The following WDR48 variants were observed in gnomAD, a reference collection of about 807,000 sequenced individuals.
WDR48 encodes WD repeat domain 48.
Under a neutral mutation model 94.0 loss-of-function variants are expected in WDR48, and 22 were observed. The observed-to-expected ratio is 0.23, with a 90% CI of 0.17 to 0.33. The LOEUF is 0.33. Ranked by LOEUF, WDR48 falls within the 10% of genes least tolerant of loss-of-function variation. WDR48 has a pLI of 1.00. For missense variants in WDR48, 541 were observed against 813.8 expected (o/e 0.66, Z 4.08); for synonymous variants, 278 against 280.5 (o/e 0.99, Z 0.09).
chr3:39,079,957 G>A (rs535825344), intron 11 of WDR48, 149 bp downstream of exon 11: 140 of 459,766 alleles, frequency 3.0e-4, no homozygotes, highest in African/African-American at 2.7e-3. Flanking sequence ...ATGAATATTA[G>A]ATAAGATCAT....
chr3:39,086,116 C>G (rs983583406), intron 14 of WDR48, among the ~76,000 whole-genome samples: 4 of 152,312 alleles, frequency 2.6e-5, no homozygotes, highest in Admixed American at 1.3e-4. Context: ...GGCATATGCT[C>G]AAGCATGTGT....
intron 9 of WDR48, 95 bp downstream of exon 9, chr3:39,077,308 ACT>A: frequency 7.3e-7 from 1 of 1,364,632 alleles, no homozygotes; most frequent in Non-Finnish European, 1.0e-6. Context: ...TGTGGCCCTA[ACT>A]CTAGCATGCT....
chr3:39,059,816 G>A (rs2033140246), intron 1 of WDR48, among the ~76,000 whole-genome samples: 1 of 152,068 alleles, frequency 6.6e-6, no homozygotes, highest in Non-Finnish European at 1.5e-5. Flanking sequence ...AAACAAAAAT[G>A]GCAGTTATTT....
intron 1 of WDR48, 59 bp from the exon 2 acceptor site, chr3:39,062,991 A>G (rs2033365990): frequency 5.7e-6 from 9 of 1,591,696 alleles, no homozygotes; most frequent in East Asian, 2.2e-5. Flanking sequence ...CTAGTAGACT[A>G]TATTTTATTA....
chr3:39,080,140 C>T (rs941228212), intron 11 of WDR48, among the ~76,000 whole-genome samples: 3 of 152,074 alleles, frequency 2.0e-5, no homozygotes, highest in Non-Finnish European at 1.5e-5. Flanking sequence ...GGGGGCTATT[C>T]CATGCATTGT....
intron 1 of WDR48, among the ~76,000 whole-genome samples, chr3:39,053,413 C>G (rs928029778): frequency 6.6e-6 from 1 of 152,174 alleles, no homozygotes; most frequent in Non-Finnish European, 1.5e-5. Context: ...GTCTTAAGCA[C>G]TCACTGGATG....
At position 39,063,124 on chromosome 3, in the gene WDR48, A is replaced by G. The variant is rs756516149; in HGVS notation, c.123A>G (p.Ala41=). The change falls in exon 2 of 19, where the codon GCA becomes GCG. Residue 41 remains alanine (A), a synonymous_variant. Coordinates refer to ENST00000302313, the MANE Select transcript of WDR48 (RefSeq NM_020839.4). ...NGVNALQLDP[A]LNRLFTAGRD... ...TCAATGCTCTGCAGCTGGATCCAGC[A>G]CTAAATAGACTTTTCACAGCCGGTC... is the stretch of plus-strand genomic sequence containing the variant. 1.2e-6 allele frequency: 2 copies of G among 1,614,176 alleles called. No individual in the cohort carries two copies. The highest frequency in any genetic ancestry group is 1.7e-6 in the Non-Finnish European group (2 of 1,180,014).
intron 3 of WDR48, 114 bp downstream of exon 3, chr3:39,066,003 C>A: frequency 1.5e-6 from 1 of 680,238 alleles, no homozygotes; most frequent in African/African-American, 1.9e-5. Flanking sequence ...GATTGCAGTT[C>A]AACACAATTT....
intron 10 of WDR48, among the ~76,000 whole-genome samples, chr3:39,079,223 T>A (rs540961252): frequency 6.6e-6 from 1 of 152,342 alleles, no homozygotes; most frequent in Admixed American, 6.5e-5. Context: ...TGCTGCTGAT[T>A]ATGGCAAAAA....
rs766501475 is a variant in WDR48, at chr3:39,074,797, C to T, written c.744C>T (p.Tyr248=). 65 of 1,614,172 alleles carry T rather than the reference C, an allele frequency of 4.0e-5. No individual in the cohort carries two copies. The highest frequency in any genetic ancestry group is 3.5e-4 in the Admixed American group (21 of 60,026). Residue 248 remains tyrosine (Y), a synonymous_variant, in exon 8 of 19, where the codon TAC becomes TAT. Transcript: ENST00000302313. ...SLGQQRCIAT[Y]RVHDEGVWAL... ...GCCAGCAGAGATGTATAGCAACATA[C>T]CGAGTCCATGATGAAGGTGTTTGGG... is the stretch of plus-strand genomic sequence containing the variant.
chr3:39,083,584 A>G (rs561974153), intron 11 of WDR48, among the ~76,000 whole-genome samples: 2 of 151,122 alleles, frequency 1.3e-5, no homozygotes, highest in Admixed American at 6.5e-5. Flanking sequence ...TGTGCTGAGG[A>G]TAATGGGGAA....
chr3:39,083,269 A>AC (rs2034630141), intron 11 of WDR48, among the ~76,000 whole-genome samples: 2 of 152,284 alleles, frequency 1.3e-5, no homozygotes, highest in East Asian at 3.9e-4. Flanking sequence ...AGCGGCGGAA[A>AC]CTAGAGAAGA....
At chr3:39,052,193 G>T (rs1245079368) in intron 1 of WDR48, 120 bp downstream of exon 1, 39 of 1,267,608 alleles carry the variant, frequency 3.1e-5, no homozygotes. Context: ...ACGGGGCGGG[G>T]CGCGGCCGGC....
chr3:39,077,952 C>G, intron 9 of WDR48, 185 bp from the exon 10 acceptor site: 2 of 519,822 alleles, frequency 3.8e-6, no homozygotes. Flanking sequence ...ATATTCCCTT[C>G]TTAAAATTTG....
intron 18 of WDR48, 148 bp from the exon 19 acceptor site, chr3:39,094,500 T>C: frequency 6.5e-7 from 1 of 1,536,586 alleles, no homozygotes. Context: ...CATTCCCGCA[T>C]GCATGGAAGC....
chr3:39,057,807 G>C (rs775064587), intron 1 of WDR48, among the ~76,000 whole-genome samples: 28 of 152,128 alleles, frequency 1.8e-4, no homozygotes, highest in South Asian at 4.2e-4. Context: ...ATTTTTAGTA[G>C]AGACGGGGTT....
intron 7 of WDR48, among the ~76,000 whole-genome samples, chr3:39,074,217 C>G (rs532002829): frequency 6.6e-6 from 1 of 152,276 alleles, no homozygotes; most frequent in South Asian, 2.1e-4. Flanking sequence ...CAGGATTGAC[C>G]AGAAATCAAC....
intron 5 of WDR48, among the ~76,000 whole-genome samples, chr3:39,067,644 G>A (rs2033687623): frequency 6.6e-6 from 1 of 152,172 alleles, no homozygotes; most frequent in East Asian, 1.9e-4. Context: ...TTGAAGACAT[G>A]GGCCTGCATT....
chr3:39,054,221 A>C (rs2032699011), intron 1 of WDR48, among the ~76,000 whole-genome samples: 1 of 152,228 alleles, frequency 6.6e-6, no homozygotes. Flanking sequence ...CTTCCAAGAA[A>C]GCTACTGCGG....
Sources: allele counts gnomAD v4.1 joint callset (sites outside exome capture counted in the v4.1 genomes callset), GRCh38; gene constraint gnomAD v4.1.1; transcripts MANE v1.5; gene names NCBI Gene and HGNC (gene_info 2026-07-23, HGNC 2026-07-21).